Variants in TMEM243 observed in about 807,000 individuals in gnomAD.
TMEM243 encodes MDR1 and mitochondrial taxol resistance associated.
In TMEM243, 20 loss-of-function variants were observed where a neutral mutation model predicts 15.0. The observed-to-expected ratio is 1.33, with a 90% CI of 0.94 to 1.93. TMEM243 has a LOEUF of 1.93. Among genes scored for constraint, TMEM243 ranks in the 30% most tolerant of loss-of-function variants. The pLI is 0.00. For synonymous variants in TMEM243, 72 were observed against 52.7 expected (o/e 1.37, Z -1.59); for missense variants, 156 against 142.1 (o/e 1.10, Z -0.50).
chr7:87,205,119 GAC>G lies in TMEM243; in HGVS notation c.79-6064_79-6063del, dbSNP rs752139425. ...TTTTAGCCATGGCTAGAGCTGCTGGGACACAGAGCACCAAGTCCCTAAGCGGC... is the reference window on the plus strand; with the variant it reads ...TTTTAGCCATGGCTAGAGCTGCTGGGACAGAGCACCAAGTCCCTAAGCGGC... On this transcript the variant is annotated intron_variant, in intron 1 of 3. Transcript: ENST00000257637. Among the ~76,000 whole-genome samples, 173 of 152,242 alleles carry G rather than the reference GAC, an allele frequency of 1.1e-3. 1 individual carries two copies. Among genetic ancestry groups the G allele is most frequent in the Non-Finnish European group, 1.8e-3 (124 of 68,050 alleles).
At chr7:87,212,266 G>A (rs769819118) in intron 1 of TMEM243, among the ~76,000 whole-genome samples, 2 of 152,160 alleles carry the variant, frequency 1.3e-5, no homozygotes, top group Non-Finnish European at 2.9e-5. Context: ...TCAGAGCTGA[G>A]AGAGCTGAGC....
At chr7:87,218,106 C>T (rs1042136152) in intron 1 of TMEM243, among the ~76,000 whole-genome samples, 1 of 152,218 alleles carries the variant, frequency 6.6e-6, no homozygotes, top group Admixed American at 6.5e-5. Context: ...CTAACATGTC[C>T]CTGTCGTAGC....
rs200123849 is a variant in TMEM243 at position 87,219,414 on chromosome 7, A to G, written c.78+12T>C. ...CCCCCCATCCCAGTCTGGAGTCACA[A>G]TCCGCACTCACCTTGGCGGACGTCT... On this transcript the variant is annotated intron_variant, in intron 1 of 3. Transcript: ENST00000257637. 3.2e-4 allele frequency: 516 copies of G among 1,613,786 alleles called. No individual in the cohort carries two copies. In the African/African-American group the frequency reaches 5.1e-3, roughly 16 times the overall value.
upstream of TMEM243, chr7:87,219,734 A>G (rs1803370109): frequency 1.8e-6 from 1 of 564,800 alleles, no homozygotes; most frequent in Admixed American, 3.2e-5. Context: ...GCAGGAAGTG[A>G]AAGGAAACAA....
chr7:87,212,345 G>A (rs923741751), intron 1 of TMEM243, among the ~76,000 whole-genome samples: 1 of 152,018 alleles, frequency 6.6e-6, no homozygotes, highest in Non-Finnish European at 1.5e-5. Flanking sequence ...ATTCTCACAG[G>A]GACACTGAGG....
Position 87,198,951 on chromosome 7 carries a change from T to C in TMEM243, c.129+56A>G. The C allele has an allele frequency of 6.9e-6, 10 of 1,456,100 alleles. 1 individual carries two copies. The South Asian group carries it at 1.3e-4, about 19-fold the overall frequency. The allele number at this position is 1,456,100 out of a possible 1,614,324, so 90.2% of individuals were successfully genotyped here. The stretch of plus-strand genomic sequence containing the variant: ...TTTTTGGAAAGTTAACCATAATTGA[T>C]AAAGTTTTCAAAACTGGCTAAGAGC... On this transcript the variant is annotated intron_variant, in intron 2 of 3. Transcript: ENST00000257637.
At chr7:87,205,869 T>A (rs10238917) in intron 1 of TMEM243, among the ~76,000 whole-genome samples, 1 of 152,026 alleles carries the variant, frequency 6.6e-6, no homozygotes, top group Admixed American at 6.6e-5. Context: ...GTTCCAAAGT[T>A]GCTTCCACAT....
At chr7:87,215,145 A>C (rs918027198) in intron 1 of TMEM243, among the ~76,000 whole-genome samples, 3 of 152,196 alleles carry the variant, frequency 2.0e-5, no homozygotes, top group Non-Finnish European at 4.4e-5. Flanking sequence ...GACTTCATAC[A>C]AAAAAATTGT....
At position 87,196,684 on chromosome 7, in the gene TMEM243, G is replaced by C. The variant is rs1373769736; in HGVS notation, c.309C>G (p.Ile103Met). Residue 103 changes from isoleucine (I) to methionine (M), a missense_variant, in exon 4 of 4, where the codon ATC (isoleucine) becomes ATG (methionine). Coordinates refer to ENST00000257637, the MANE Select transcript of TMEM243 (RefSeq NM_024315.4). ...KLIYYIIFSI[I>M]MLCICANLYF... is the part of the protein sequence containing the mutation. ...ACAGGTTTGCACATATACACAACAT[G>C]ATGATAGAAAATATGATATAGTAAA... The C allele has an allele frequency of 3.5e-5, 56 of 1,610,172 alleles. 1 individual carries two copies. The highest frequency in any genetic ancestry group is 4.7e-5 in the Non-Finnish European group (55 of 1,178,158).
In TMEM243 at chr7:87,207,294, T is replaced by C. The variant is rs73210221; in HGVS notation, c.79-8237A>G. Among the ~76,000 whole-genome samples the C allele has an allele frequency of 5.4e-3, 768 of 142,896 alleles. 16 individuals are homozygous for C. The highest frequency in any genetic ancestry group is 0.013 in the East Asian group (62 of 4,728). 93.7% of individuals were successfully genotyped at this position (142,896 alleles called of 152,430 possible). On this transcript the variant is annotated intron_variant, in intron 1 of 3. Transcript: ENST00000257637. ...GGGCAAGGCAAAACAGAGAAAAGTC[T>C]TTGCAGAAAAGCAAAAGCCGGCCGG... is the stretch of plus-strand genomic sequence containing the variant.
At chr7:87,209,470 CAG>C (rs752287712) in intron 1 of TMEM243, among the ~76,000 whole-genome samples, 15 of 137,062 alleles carry the variant, frequency 1.1e-4, no homozygotes, top group African/African-American at 1.7e-4. Flanking sequence ...CAGAGTGAGA[CAG>C]AGAGTGAGAT....
At chr7:87,219,796 T>G, upstream of TMEM243, 1 of 434,896 alleles carries the variant, frequency 2.3e-6, no homozygotes. Flanking sequence ...CAGCTCCCAC[T>G]TCCTCAAATC....
At chr7:87,204,979 T>C (rs895098934) in intron 1 of TMEM243, among the ~76,000 whole-genome samples, 3 of 152,256 alleles carry the variant, frequency 2.0e-5, no homozygotes, top group African/African-American at 7.2e-5. Flanking sequence ...CTCTAAAATC[T>C]AGGCAAAGGT....
intron 2 of TMEM243, chr7:87,198,278 T>C: frequency 4.9e-6 from 2 of 404,606 alleles, no homozygotes; most frequent in Middle Eastern, 6.4e-4. Flanking sequence ...TCAGTAATAC[T>C]AGCTGATGCC....
At chr7:87,209,845 TGAGAGCGA>T (rs1404408108) in intron 1 of TMEM243, among the ~76,000 whole-genome samples, 4 of 95,050 alleles carry the variant, frequency 4.2e-5, no homozygotes, top group African/African-American at 1.7e-4. Context: ...AGAGAGACAG[TGAGAGCGA>T]GAGAGAGAGA....
intron 1 of TMEM243, among the ~76,000 whole-genome samples, chr7:87,212,515 C>A (rs1802824034): frequency 6.6e-6 from 1 of 152,126 alleles, no homozygotes; most frequent in Non-Finnish European, 1.5e-5. Context: ...CTCAGTAGAC[C>A]ATCAGCTTCT....
intron 1 of TMEM243, among the ~76,000 whole-genome samples, chr7:87,203,203 C>T (rs988928312): frequency 1.3e-5 from 2 of 152,136 alleles, no homozygotes; most frequent in African/African-American, 2.4e-5. Flanking sequence ...AAATGAATTT[C>T]AAGGGCATGT....
At chr7:87,219,247 G>A (rs1803317663) in intron 1 of TMEM243, among the ~76,000 whole-genome samples, 179 bp downstream of exon 1, 1 of 152,166 alleles carries the variant, frequency 6.6e-6, no homozygotes, top group African/African-American at 2.4e-5. Flanking sequence ...AGCCAACCAT[G>A]TCCCAAAGCA....
At chr7:87,209,687 C>A (rs28808918) in intron 1 of TMEM243, among the ~76,000 whole-genome samples, 1 of 80,690 alleles carries the variant, frequency 1.2e-5, no homozygotes, top group Non-Finnish European at 2.6e-5. Flanking sequence ...CGAGACACAG[C>A]GAGAGAGCGA....
Sources: gnomAD v4.1 joint callset for allele counts (sites outside exome capture counted in the v4.1 genomes callset) on GRCh38, gnomAD v4.1.1 for gene constraint, MANE v1.5 for transcripts, NCBI Gene and HGNC (gene_info 2026-07-23, HGNC 2026-07-21) for gene names.